Variants in TRMT61B observed in about 807,000 individuals in gnomAD.
TRMT61B encodes the protein tRNA methyltransferase 61B, also known as tRNA (adenine(58)-N(1))-methyltransferase, mitochondrial.
TRMT61B carries 56 observed loss-of-function variants against 52.0 expected under a neutral mutation model. That is an observed-to-expected ratio of 1.08 (90% CI 0.87 to 1.35). TRMT61B has a LOEUF of 1.35. TRMT61B is among the 40% of genes most tolerant of loss of function. The pLI is 0.00. For synonymous variants in TRMT61B, 206 were observed against 220.0 expected, an observed-to-expected ratio of 0.94 and a Z score of 0.56; for missense variants, 650 against 577.9, an observed-to-expected ratio of 1.12 and a Z score of -1.28.
Position 28,869,776 on chromosome 2 carries a change from A to G in TRMT61B, c.502T>C (p.Phe168Leu), listed in dbSNP as rs1397634624. The G allele has an allele frequency of 6.2e-7, 1 of 1,613,994 alleles. No individual in the cohort carries two copies. The highest frequency in any genetic ancestry group is 1.3e-5 in the African/African-American group (1 of 74,894). Reference sequence around the variant, plus strand: ...TTGTTCAACCTAAATAATTTCTTAAATTTTGTTTCTCCCTCCCCAGTCTCA... The same window carrying G: ...TTGTTCAACCTAAATAATTTCTTAAGTTTTGTTTCTCCCTCCCCAGTCTCA... ...LAETGEGETK[F>L]KKLFRLNNFG... The change falls in exon 1 of 7, where the codon TTT becomes CTT. Residue 168 changes from phenylalanine to leucine, a missense_variant. Transcript: ENST00000306108.
chr2:28,867,907 C>A (rs1175657169), intron 1 of TRMT61B, among the ~76,000 whole-genome samples: 2 of 152,004 alleles, frequency 1.3e-5, no homozygotes, highest in Non-Finnish European at 2.9e-5. Context: ...TTTTGATTAG[C>A]TAGGCATAGT....
Position 28,865,043 on chromosome 2 carries a change from C to T in TRMT61B, c.776G>A (p.Gly259Glu). Residue 259 changes from glycine (G) to glutamate (E), a missense_variant, in exon 2 of 7, where the codon GGA becomes GAA. Physicochemically the swap from Gly to Glu is moderately conservative, Grantham distance 98. Coordinates refer to ENST00000306108, the MANE Select transcript of TRMT61B (RefSeq NM_017910.4). ...TGCTTTGGATAAAAATAAGCTCATT[C>T]CACCAGAGCCTGAGCCAGCTTCCAA... is the stretch of plus-strand genomic sequence containing the variant. ...TVLEAGSGSGGMSLFLSKAVG... is the reference protein window; with the variant it reads ...TVLEAGSGSGEMSLFLSKAVG... The T allele has an allele frequency of 1.2e-6, 2 of 1,612,784 alleles. No individual in the cohort carries two copies. Among genetic ancestry groups the T allele is most frequent in the South Asian group, 1.1e-5 (1 of 91,022 alleles).
intron 1 of TRMT61B, among the ~76,000 whole-genome samples, chr2:28,867,744 C>CT (rs1669908750): frequency 6.6e-6 from 1 of 152,060 alleles, no homozygotes; most frequent in Non-Finnish European, 1.5e-5. Context: ...TTACGAAAGT[C>CT]TTTTAGTTTT....
chr2:28,850,025 A>C lies in TRMT61B; in HGVS notation c.*174T>G. ...GACAAGTGTCAAAATGGGATGTTTA[A>C]GCAGTTTTGCTATGTTATACATCTT... On this transcript the variant is annotated 3_prime_UTR_variant, in exon 7 of 7. Coordinates refer to ENST00000306108, the MANE Select transcript of TRMT61B (RefSeq NM_017910.4). The C allele has an allele frequency of 7.9e-7, 1 of 1,258,302 alleles. No individual in the cohort carries two copies. Among genetic ancestry groups the C allele is most frequent in the Admixed American group, 2.2e-5 (1 of 45,140 alleles). The allele number at this position is 1,258,302 out of a possible 1,614,324, so 77.9% of individuals were successfully genotyped here.
At chr2:28,865,190 A>T (rs1437101185) in intron 1 of TRMT61B, 71 bp from the exon 2 acceptor site, 1 of 853,000 alleles carries the variant, frequency 1.2e-6, no homozygotes, top group East Asian at 2.6e-5. Context: ...CTTATCTTAC[A>T]TTGTTGGGTG....
At chr2:28,869,539 C>T in intron 1 of TRMT61B, 40 bp downstream of exon 1, 2 of 1,427,902 alleles carry the variant, frequency 1.4e-6, no homozygotes, top group South Asian at 1.2e-5. Context: ...TGTCTTTGCC[C>T]CTCCTGAAAC....
At chr2:28,864,987 A>G in intron 2 of TRMT61B, 30 bp downstream of exon 2, 1 of 1,296,506 alleles carries the variant, frequency 7.7e-7, no homozygotes, top group Admixed American at 1.7e-5. Context: ...TTTCTTTGTT[A>G]CTGAGATCCA....
At chr2:28,858,041 CTTTTT>C (rs372996493) in intron 3 of TRMT61B, among the ~76,000 whole-genome samples, 1 of 133,316 alleles carries the variant, frequency 7.5e-6, no homozygotes, top group Non-Finnish European at 1.6e-5. Flanking sequence ...TTGTTTAATT[CTTTTT>C]TTTTTTTTTT....
At chr2:28,866,850 T>C (rs189018940) in intron 1 of TRMT61B, among the ~76,000 whole-genome samples, 44 of 152,252 alleles carry the variant, frequency 2.9e-4, no homozygotes, top group African/African-American at 1.0e-3. Context: ...GACTGGAGTG[T>C]AGTAGTGCAA....
In TRMT61B at chr2:28,858,968, C is replaced by T. The variant is rs1212211340; in HGVS notation, c.993+2150G>A. ...GAGTGCAGTGGCGCAAATCTTGGCTCACTGGAACCTCCGCCTCCCAGGTTC... is the reference window on the plus strand; with the variant it reads ...GAGTGCAGTGGCGCAAATCTTGGCTTACTGGAACCTCCGCCTCCCAGGTTC... On this transcript the variant is annotated intron_variant, in intron 3 of 6. Transcript: ENST00000306108. Among the ~76,000 whole-genome samples, 3 of 150,602 alleles carry T rather than the reference C, an allele frequency of 2.0e-5. 1 individual carries two copies. Among genetic ancestry groups the T allele is most frequent in the Non-Finnish European group, 4.4e-5 (3 of 67,730 alleles).
intron 3 of TRMT61B, among the ~76,000 whole-genome samples, chr2:28,860,046 C>G (rs749492875): frequency 6.6e-6 from 1 of 151,846 alleles, no homozygotes; most frequent in Non-Finnish European, 1.5e-5. Flanking sequence ...CTGAGATGGG[C>G]AGATCACCTA....
chr2:28,853,594 T>C (rs1042212451), intron 3 of TRMT61B, among the ~76,000 whole-genome samples: 3 of 151,604 alleles, frequency 2.0e-5, no homozygotes, highest in Non-Finnish European at 4.4e-5. Flanking sequence ...CCCAGCACTT[T>C]GGGAGCCCAG....
chr2:28,851,082 C>T lies in TRMT61B; in HGVS notation c.1302G>A (p.Glu434=), dbSNP rs750563712. The change falls in exon 5 of 7, where the codon GAG becomes GAA. Residue 434 remains glutamate (E), a synonymous_variant. Transcript: ENST00000306108. ...KIGVKGELFQ[E]DDHEESHSDF... is the part of the protein sequence containing the mutation. ...AAAACTGAAGCTCACCATGGTCATC[C>T]TCTTGAAACAGCTCACCTTTAACTC... 5.6e-6 allele frequency: 9 copies of T among 1,601,358 alleles called. No homozygotes were observed. Among genetic ancestry groups the T allele is most frequent in the Middle Eastern group, 1.7e-4 (1 of 6,024 alleles).
At chr2:28,860,204 G>A (rs541955986) in intron 3 of TRMT61B, among the ~76,000 whole-genome samples, 8 of 142,400 alleles carry the variant, frequency 5.6e-5, no homozygotes, top group East Asian at 4.5e-4. Context: ...CCCGGCAGGC[G>A]GAGGTTGCAG....
At position 28,869,965 on chromosome 2, in the gene TRMT61B, A is replaced by C; in HGVS notation, c.313T>G (p.Ser105Ala). 1 of 1,613,866 alleles carries C rather than the reference A, an allele frequency of 6.2e-7. No homozygotes were observed. Among genetic ancestry groups the C allele is most frequent in the Non-Finnish European group, 8.5e-7 (1 of 1,180,002 alleles). The change falls in exon 1 of 7, where the codon TCG (serine) becomes GCG (alanine). Residue 105 changes from serine to alanine, a missense_variant. Transcript: ENST00000306108. ...EESSPRELEDSSGDQGRCGPT... is the reference protein window; with the variant it reads ...EESSPRELEDASGDQGRCGPT... ...CCGCACCGGCCCTGGTCTCCGCTCG[A>C]GTCCTCGAGCTCTCGAGGGGATGAC...
intron 1 of TRMT61B, among the ~76,000 whole-genome samples, chr2:28,865,672 CTTTTTTTTTTTTTT>C (rs70958219): frequency 1.2e-5 from 1 of 80,068 alleles, no homozygotes; most frequent in Non-Finnish European, 2.3e-5. Flanking sequence ...GATGAATTTC[CTTTTTTTTTTTTTT>C]TTTTTTTTTG....
At chr2:28,858,852 A>G (rs1483168383) in intron 3 of TRMT61B, among the ~76,000 whole-genome samples, 1 of 150,788 alleles carries the variant, frequency 6.6e-6, no homozygotes, top group Non-Finnish European at 1.5e-5. Flanking sequence ...CAGGAGAATG[A>G]CAGTATCAGA....
At position 28,865,120 on chromosome 2, in the gene TRMT61B, C is replaced by A. The variant is rs150892655; in HGVS notation, c.700-1G>T. ...TCATTGAGAGAATCATATTAATATC[C>A]TATGATTGAAAACAGTATGGGTGAC... On this transcript the variant is annotated splice_acceptor_variant, in intron 1 of 6. Transcript: ENST00000306108. LOFTEE classifies it high-confidence loss of function. 1 of 1,563,410 alleles carries A rather than the reference C, an allele frequency of 6.4e-7. No homozygotes were observed. The highest frequency in any genetic ancestry group is 8.8e-7 in the Non-Finnish European group (1 of 1,134,800).
At chr2:28,853,693 A>G (rs1055559308) in intron 3 of TRMT61B, among the ~76,000 whole-genome samples, 4 of 152,126 alleles carry the variant, frequency 2.6e-5, no homozygotes, top group African/African-American at 9.7e-5. Flanking sequence ...AAAATTAGCC[A>G]GGTGTGGTGG....
Sources: gnomAD v4.1 joint callset for allele counts (sites outside exome capture counted in the v4.1 genomes callset) on GRCh38, gnomAD v4.1.1 for gene constraint, MANE v1.5 for transcripts, NCBI Gene and HGNC (gene_info 2026-07-23, HGNC 2026-07-21) for gene names.